SLX4IP: variants seen among roughly 807,000 people sequenced by gnomAD.
The protein encoded by SLX4IP is SLX4 interacting protein.
A neutral mutation model predicts 32.9 loss-of-function variants in SLX4IP; 34 were observed. The ratio of observed to expected loss-of-function variants is 1.03; its 90% CI spans 0.79 to 1.38. The LOEUF is 1.38. Among genes scored for constraint, SLX4IP ranks in the 40% most tolerant of loss-of-function variants. The pLI, the probability that SLX4IP is intolerant of heterozygous loss-of-function variation, is 0.00. For missense variants in SLX4IP, 444 were observed against 479.0 expected, an observed-to-expected ratio of 0.93 and a Z score of 0.68; for synonymous variants, 172 against 171.7, an observed-to-expected ratio of 1.00 and a Z score of -0.01.
chr20:10,599,570 T>G (rs2122547331), intron 5 of SLX4IP, among the ~76,000 whole-genome samples: 1 of 151,758 alleles, frequency 6.6e-6, no homozygotes, highest in Middle Eastern at 3.4e-3. Context: ...TTTTTTTTTT[T>G]GTAATTTTTG....
At chr20:10,474,833 C>G (rs973197703) in intron 2 of SLX4IP, among the ~76,000 whole-genome samples, 10 of 152,236 alleles carry the variant, frequency 6.6e-5, no homozygotes, top group African/African-American at 2.4e-4. Context: ...CCACTGATCT[C>G]TGTATCATAG....
At chr20:10,480,405 C>CA (rs58812464) in intron 2 of SLX4IP, among the ~76,000 whole-genome samples, 33,834 of 124,164 alleles carry the variant, frequency 0.27, 3,954 homozygotes, top group South Asian at 0.41. Flanking sequence ...ACCCTGTTTC[C>CA]AAAAAAAAAA....
chr20:10,474,557 C>A, intron 2 of SLX4IP, among the ~76,000 whole-genome samples: 1 of 152,062 alleles, frequency 6.6e-6, no homozygotes, highest in East Asian at 1.9e-4. Flanking sequence ...GGAGTTTTTT[C>A]CTTTTTCTTT....
At chr20:10,436,846 A>G (rs151048537) in intron 1 of SLX4IP, among the ~76,000 whole-genome samples, 5 of 152,240 alleles carry the variant, frequency 3.3e-5, no homozygotes, top group Non-Finnish European at 7.4e-5. Flanking sequence ...ATATACTTAT[A>G]TGTAATTTCT....
chr20:10,618,948 C>CGGGGGGGTGGGGGGG (rs2067072601), intron 6 of SLX4IP, among the ~76,000 whole-genome samples: 1 of 87,726 alleles, frequency 1.1e-5, no homozygotes, highest in African/African-American at 4.3e-5. Flanking sequence ...GTTGGGGGGG[C>CGGGGGGGTGGGGGGG]GGGGGAGGGG....
At chr20:10,613,594 G>A in intron 6 of SLX4IP, 1 of 1,613,122 alleles carries the variant, frequency 6.2e-7, no homozygotes, top group Non-Finnish European at 8.5e-7. Flanking sequence ...CCTTCATCAA[G>A]CCCCAACTCC....
chr20:10,587,114 A>C (rs1017203179), intron 4 of SLX4IP, among the ~76,000 whole-genome samples: 3 of 152,160 alleles, frequency 2.0e-5, no homozygotes, highest in African/African-American at 7.2e-5. Context: ...GGTCAATCTC[A>C]CTCAAATATA....
At chr20:10,524,611 C>A (rs780611639) in intron 2 of SLX4IP, among the ~76,000 whole-genome samples, 5 of 152,156 alleles carry the variant, frequency 3.3e-5, no homozygotes, top group Admixed American at 1.3e-4. Flanking sequence ...TTGTGAGTTG[C>A]TTTCAAGTTT....
At chr20:10,439,695 TA>T (rs2122313387) in intron 1 of SLX4IP, among the ~76,000 whole-genome samples, 1 of 152,384 alleles carries the variant, frequency 6.6e-6, no homozygotes, top group Admixed American at 6.5e-5. Context: ...CATTGACTTT[TA>T]AGTGGATTGT....
intron 2 of SLX4IP, among the ~76,000 whole-genome samples, chr20:10,483,823 T>C (rs1318146298): frequency 1.6e-5 from 2 of 123,718 alleles, no homozygotes; most frequent in Non-Finnish European, 3.2e-5. Flanking sequence ...TCATAAAACC[T>C]AGGAAGGAGT....
At chr20:10,561,339 A>AT (rs1568741640) in intron 4 of SLX4IP, among the ~76,000 whole-genome samples, 5 of 152,030 alleles carry the variant, frequency 3.3e-5, no homozygotes, top group Non-Finnish European at 7.4e-5. Flanking sequence ...CTCTAGTGGT[A>AT]GTCTTATATC....
intron 2 of SLX4IP, among the ~76,000 whole-genome samples, chr20:10,525,352 C>T (rs1689547626): frequency 6.6e-6 from 1 of 152,070 alleles, no homozygotes; most frequent in Non-Finnish European, 1.5e-5. Context: ...ATATATTGAC[C>T]TTTCTCTACA....
intron 1 of SLX4IP, among the ~76,000 whole-genome samples, chr20:10,436,858 T>G (rs899372492): frequency 6.6e-6 from 1 of 152,170 alleles, no homozygotes; most frequent in Non-Finnish European, 1.5e-5. Flanking sequence ...GTAATTTCTG[T>G]TATAACATCT....
intron 2 of SLX4IP, among the ~76,000 whole-genome samples, chr20:10,524,918 G>A (rs2065928933): frequency 6.6e-6 from 1 of 152,106 alleles, no homozygotes; most frequent in Admixed American, 6.6e-5. Flanking sequence ...CTTGGTTCAG[G>A]TTGTCATCTC....
intron 2 of SLX4IP, among the ~76,000 whole-genome samples, chr20:10,508,801 C>T (rs767151382): frequency 7.9e-5 from 12 of 152,112 alleles, no homozygotes; most frequent in East Asian, 1.9e-4. Flanking sequence ...GAGTTCCATC[C>T]GCTGGGGCCT....
chr20:10,444,975 C>T (rs2065189554), intron 1 of SLX4IP, among the ~76,000 whole-genome samples: 1 of 152,128 alleles, frequency 6.6e-6, no homozygotes, highest in Non-Finnish European at 1.5e-5. Context: ...CTGTTCCATC[C>T]CAGATAACAG....
intron 4 of SLX4IP, among the ~76,000 whole-genome samples, chr20:10,565,322 C>G (rs997591189): frequency 2.0e-4 from 30 of 152,270 alleles, no homozygotes; most frequent in African/African-American, 7.2e-4. Flanking sequence ...TTAGATAGCT[C>G]ATAGGATCTC....
At chr20:10,601,634 T>C (rs924159694) in intron 5 of SLX4IP, 97 bp from the exon 6 acceptor site, 12 of 916,912 alleles carry the variant, frequency 1.3e-5, no homozygotes, top group Non-Finnish European at 2.1e-5. Context: ...TGGATGTGCA[T>C]ATTGCAGTAA....
chr20:10,539,751 G>A (rs1003798201), intron 2 of SLX4IP, among the ~76,000 whole-genome samples: 1 of 152,202 alleles, frequency 6.6e-6, no homozygotes, highest in Non-Finnish European at 1.5e-5. Flanking sequence ...TCTCAACCCA[G>A]CCAGCACATT....
Sources: gnomAD v4.1 joint callset for allele counts (sites outside exome capture counted in the v4.1 genomes callset) on GRCh38, gnomAD v4.1.1 for gene constraint, MANE v1.5 for transcripts, NCBI Gene and HGNC (gene_info 2026-07-23, HGNC 2026-07-21) for gene names.